Variants in APOLD1 observed in about 807,000 individuals in gnomAD.
APOLD1 encodes the protein apolipoprotein L domain containing 1, also known as apolipoprotein L domain-containing protein 1.
APOLD1 carries 22 observed loss-of-function variants against 15.3 expected under a neutral mutation model. The observed-to-expected ratio is 1.44, with a 90% CI of 1.03 to 2.05. APOLD1 has a LOEUF of 2.05. Ranked by LOEUF, APOLD1 falls within the 30% of genes most tolerant of loss-of-function variation. The pLI is 0.00. For missense variants in APOLD1, 394 were observed against 353.5 expected (o/e 1.11, Z -0.92); for synonymous variants, 190 against 167.4 (o/e 1.13, Z -1.04).
chr12:12,764,799 A>G, intron 1 of APOLD1: 1 of 396,374 alleles, frequency 2.5e-6, no homozygotes, highest in South Asian at 2.1e-5. Flanking sequence ...ATGCCAGTGA[A>G]GAGTAAGGAA....
rs1420022 is a variant in APOLD1, at chr12:12,788,762, G to A, written c.*1110G>A. On this transcript the variant is annotated 3_prime_UTR_variant, in exon 2 of 2. Coordinates refer to ENST00000356591, the MANE Select transcript of APOLD1 (RefSeq NM_030817.3). The stretch of plus-strand genomic sequence containing the variant: ...GGCACACTAAGGTTTGAAAATCACT[G>A]CAACAAATGCTAACTTCTAATCCCC... The A allele has an allele frequency of 0.77, 117,545 of 152,136 alleles. 46,530 individuals are homozygous for A. Among genetic ancestry groups the A allele is most frequent in the East Asian group, 0.86 (4,458 of 5,160 alleles). 9.4% of individuals were successfully genotyped at this position (152,136 alleles called of 1,614,324 possible).
chr12:12,774,438 C>T (rs1411028280), intron 1 of APOLD1, among the ~76,000 whole-genome samples: 1 of 147,750 alleles, frequency 6.8e-6, no homozygotes, highest in Admixed American at 6.9e-5. Flanking sequence ...CCCAGCTACT[C>T]GGGAGGCTGA....
intron 1 of APOLD1, among the ~76,000 whole-genome samples, chr12:12,737,586 C>CT (rs892546546): frequency 6.6e-6 from 1 of 152,154 alleles, no homozygotes; most frequent in Non-Finnish European, 1.5e-5. Flanking sequence ...TTCCTTTCCC[C>CT]TTTTTTGCCT....
chr12:12,776,003 C>CTAAAA (rs1947030295), intron 1 of APOLD1, among the ~76,000 whole-genome samples: 1 of 62,204 alleles, frequency 1.6e-5, no homozygotes, highest in Non-Finnish European at 2.8e-5. Flanking sequence ...GACCCAGTCT[C>CTAAAA]AAAAAAAAAA....
upstream of APOLD1, among the ~76,000 whole-genome samples, chr12:12,784,715 G>A (rs1947110520): frequency 6.6e-6 from 1 of 152,150 alleles, no homozygotes; most frequent in African/African-American, 2.4e-5. Context: ...TGGATTTGGG[G>A]ACATGTAGTA....
chr12:12,743,833 T>C (rs1363719537), intron 1 of APOLD1, among the ~76,000 whole-genome samples: 1 of 152,170 alleles, frequency 6.6e-6, no homozygotes, highest in Non-Finnish European at 1.5e-5. Context: ...CTTAGCTTGC[T>C]GTTGCTGGCT....
intron 1 of APOLD1, among the ~76,000 whole-genome samples, chr12:12,753,307 G>T (rs750236605): frequency 6.0e-4 from 91 of 152,172 alleles, no homozygotes; most frequent in Non-Finnish European, 1.0e-3. Context: ...AATGTGAAAG[G>T]GTAATATACA....
At chr12:12,776,012 A>AAAC (rs1470481244) in intron 1 of APOLD1, among the ~76,000 whole-genome samples, 5 of 150,486 alleles carry the variant, frequency 3.3e-5, no homozygotes, top group Non-Finnish European at 7.4e-5. Flanking sequence ...TCAAAAAAAA[A>AAAC]AAAAAAAAAA....
chr12:12,748,774 T>C (rs1312043298), intron 1 of APOLD1, among the ~76,000 whole-genome samples: 2 of 152,176 alleles, frequency 1.3e-5, no homozygotes, highest in Admixed American at 1.3e-4. Context: ...TCACTTCCAT[T>C]GCAGCACTGC....
At chr12:12,786,615 CAT>C (rs1947126527) in intron 1 of APOLD1, 1 of 975,424 alleles carries the variant, frequency 1.0e-6, no homozygotes, top group Non-Finnish European at 1.2e-6. Flanking sequence ...TTATTTAACA[CAT>C]AGCTGATGAA....
chr12:12,746,510 A>AATAAATACATC (rs1946767444), intron 1 of APOLD1, among the ~76,000 whole-genome samples: 2 of 149,838 alleles, frequency 1.3e-5, no homozygotes, highest in Non-Finnish European at 3.0e-5. Flanking sequence ...TAAATAAATA[A>AATAAATACATC]ATAAATACAT....
chr12:12,742,782 C>G (rs1946738085), intron 1 of APOLD1, among the ~76,000 whole-genome samples: 1 of 148,328 alleles, frequency 6.7e-6, no homozygotes, highest in Non-Finnish European at 1.5e-5. Context: ...AAAAAAGGCC[C>G]TGGTCAGGGT....
rs1592311460 is a variant in APOLD1, at chr12:12,786,828, C to T, written c.4-81C>T. 9 of 1,322,480 alleles carry T rather than the reference C, an allele frequency of 6.8e-6. No homozygotes were observed. The East Asian group carries it at 1.9e-4, about 28-fold the overall frequency. The allele number at this position is 1,322,480 out of a possible 1,614,324, so 81.9% of individuals were successfully genotyped here. On this transcript the variant is annotated intron_variant, in intron 1 of 1. Transcript: ENST00000356591. ...TGCTCCGCTGAACTCGTGCCAAGTT[C>T]CCGCTGGCGTCCGGGCAGCAGGGCG...
chr12:12,774,546 C>CAAAAAAAAAAAAAAAAAAAAAAAAAA (rs57343706), intron 1 of APOLD1, among the ~76,000 whole-genome samples: 2 of 42,288 alleles, frequency 4.7e-5, no homozygotes, highest in Non-Finnish European at 8.9e-5. Context: ...ACTCTAACTC[C>CAAAAAAAAAAAAAAAAAAAAAAAAAA]AAAAAAAAAA....
At chr12:12,753,803 C>T (rs1053228810) in intron 1 of APOLD1, among the ~76,000 whole-genome samples, 6 of 151,902 alleles carry the variant, frequency 3.9e-5, no homozygotes, top group South Asian at 2.1e-4. Context: ...ACAAATAGCA[C>T]GAAATTTGTG....
intron 1 of APOLD1, among the ~76,000 whole-genome samples, chr12:12,755,745 A>G (rs1483170183): frequency 6.6e-6 from 1 of 152,196 alleles, no homozygotes; most frequent in African/African-American, 2.4e-5. Context: ...AGAGGCTGAG[A>G]TGGGAGGATC....
In APOLD1 at chr12:12,787,309, T is replaced by G; in HGVS notation, c.404T>G (p.Leu135Arg). ...ATCQDQMREI[L>R]SCLEFFCRWQ... Reference sequence around the variant, plus strand: ...TGCCAGGACCAGATGCGAGAGATCCTGAGCTGCCTCGAGTTTTTCTGCCGC... The same window carrying G: ...TGCCAGGACCAGATGCGAGAGATCCGGAGCTGCCTCGAGTTTTTCTGCCGC... The change falls in exon 2 of 2, where the codon CTG (leucine) becomes CGG (arginine). Residue 135 changes from leucine to arginine, a missense_variant. Physicochemically the swap from Leu to Arg is moderately radical, Grantham distance 102. Coordinates refer to ENST00000356591, the MANE Select transcript of APOLD1 (RefSeq NM_030817.3). The surrounding 1 kb of genome is among the most constrained non-coding windows in gnomAD (Gnocchi z 4.9). 1 of 1,612,748 alleles carries G rather than the reference T, an allele frequency of 6.2e-7. No individual in the cohort carries two copies. The highest frequency in any genetic ancestry group is 8.5e-7 in the Non-Finnish European group (1 of 1,179,742).
At chr12:12,725,962 G>A in exon 1 of APOLD1, 1 of 1,437,194 alleles carries the variant, frequency 7.0e-7, no homozygotes, top group Non-Finnish European at 9.2e-7. Context: ...GCGATCTGCA[G>A]CTTCGCGGGG....
At chr12:12,768,571 G>C (rs1440102497) in intron 1 of APOLD1, among the ~76,000 whole-genome samples, 7 of 151,902 alleles carry the variant, frequency 4.6e-5, no homozygotes, top group Non-Finnish European at 7.4e-5. Flanking sequence ...AAGATTGCTT[G>C]AGACCAGGAA....
Sources: gnomAD v4.1 joint callset for allele counts (sites outside exome capture counted in the v4.1 genomes callset) on GRCh38, gnomAD v4.1.1 for gene constraint, Gnocchi (gnomAD v3.1) non-coding constraint, MANE v1.5 for transcripts, NCBI Gene and HGNC (gene_info 2026-07-23, HGNC 2026-07-21) for gene names.